The following CSMD1 variants were observed in gnomAD, a reference collection of about 807,000 sequenced individuals.
CSMD1 encodes the protein CUB and Sushi multiple domains 1.
A neutral mutation model predicts 417.5 loss-of-function variants in CSMD1; 213 were observed. The observed-to-expected ratio is 0.51, with a 90% CI of 0.46 to 0.57. The LOEUF is 0.57. Among genes scored for constraint, CSMD1 ranks in the 20% least tolerant of loss-of-function variants. The probability of loss-of-function intolerance (pLI) is 0.00; values close to 1 mark genes in which losing one functional copy is unlikely to be tolerated. For missense variants in CSMD1, 6,923 were observed against 4,529.7 expected, an observed-to-expected ratio of 1.53 and a Z score of -15.17; for synonymous variants, 2,862 against 1,736.8, an observed-to-expected ratio of 1.65 and a Z score of -16.11.
intron 1 of CSMD1, among the ~76,000 whole-genome samples, chr8:4,720,013 G>A (rs1285641392): frequency 2.6e-5 from 4 of 152,046 alleles, no homozygotes; most frequent in Admixed American, 2.0e-4. Flanking sequence ...AAGTTTAAGT[G>A]CTTACTTACA....
chr8:4,674,505 C>T (rs562878761), intron 1 of CSMD1, among the ~76,000 whole-genome samples: 11 of 152,180 alleles, frequency 7.2e-5, no homozygotes, highest in East Asian at 1.9e-4. Context: ...GGGAACAGTA[C>T]GTACTCAGTA....
chr8:4,971,193 G>T (rs973310840), intron 1 of CSMD1, among the ~76,000 whole-genome samples: 1 of 151,916 alleles, frequency 6.6e-6, no homozygotes, highest in African/African-American at 2.4e-5. Flanking sequence ...CAAAGCATAT[G>T]CTGACATAAT....
At chr8:3,745,296 C>T (rs1048731115) in intron 6 of CSMD1, among the ~76,000 whole-genome samples, 1 of 152,182 alleles carries the variant, frequency 6.6e-6, no homozygotes. Context: ...CAGGAAAGAA[C>T]ATGATGGTCA....
At chr8:4,922,628 C>T (rs1166564576) in intron 1 of CSMD1, among the ~76,000 whole-genome samples, 1 of 152,110 alleles carries the variant, frequency 6.6e-6, no homozygotes, top group African/African-American at 2.4e-5. Context: ...TAACAAGAAA[C>T]AACACATCTT....
chr8:3,359,071 G>A (rs1487771147), intron 21 of CSMD1, 81 bp downstream of exon 21: 26 of 1,385,266 alleles, frequency 1.9e-5, no homozygotes, highest in Middle Eastern at 4.6e-4. Flanking sequence ...ACCCCCACCC[G>A]ACCCCGACCA....
At chr8:4,673,144 G>A (rs760279154) in intron 1 of CSMD1, among the ~76,000 whole-genome samples, 1 of 151,954 alleles carries the variant, frequency 6.6e-6, no homozygotes, top group Non-Finnish European at 1.5e-5. Flanking sequence ...AGGACATTGA[G>A]GGGAAAAAGG....
chr8:3,239,196 C>G (rs932721924), intron 26 of CSMD1, among the ~76,000 whole-genome samples: 2 of 152,050 alleles, frequency 1.3e-5, no homozygotes, highest in African/African-American at 2.4e-5. Context: ...TTTACCTTTC[C>G]TAAATACTGA....
At chr8:4,527,987 G>C (rs1796608284) in intron 2 of CSMD1, among the ~76,000 whole-genome samples, 1 of 152,162 alleles carries the variant, frequency 6.6e-6, no homozygotes, top group African/African-American at 2.4e-5. Context: ...AGAATCCATG[G>C]CTCTCACTCA....
rs746936196 is a variant in CSMD1 at position 3,029,353 on chromosome 8, C to T, written c.7821G>A (p.Thr2607=). The T allele has an allele frequency of 2.4e-5, 39 of 1,610,700 alleles. No individual in the cohort carries two copies. The highest frequency in any genetic ancestry group is 1.2e-4 in the Admixed American group (7 of 59,506). The part of the protein sequence containing the change: ...WRLLRCQANG[T]WNIGDERPSC... Reference sequence around the variant, plus strand: ...TTGGCCTCTCATCTCCTATGTTCCACGTCCCATTGGCCTGGCACCGCAGGA... The same window carrying T: ...TTGGCCTCTCATCTCCTATGTTCCATGTCCCATTGGCCTGGCACCGCAGGA... Residue 2607 remains threonine, a synonymous_variant, in exon 51 of 70, where the codon ACG becomes ACA. Transcript: ENST00000635120.
intron 2 of CSMD1, among the ~76,000 whole-genome samples, chr8:4,443,161 AT>A (rs1425478271): frequency 2.6e-5 from 4 of 152,206 alleles, no homozygotes; most frequent in Non-Finnish European, 5.9e-5. Flanking sequence ...CTCCTTTTAA[AT>A]GGTAGAATTC....
At position 3,399,406 on chromosome 8, in the gene CSMD1, T is replaced by C; in HGVS notation, c.2390A>G (p.Lys797Arg). ...IIEAKPGHSI[K>R]ITFDRFQTEV... The stretch of plus-strand genomic sequence containing the variant: ...TTTTTCTTACCTGTCAAAAGTTATT[T>C]TGATAGAGTGGCCTGGTTTTGCTTC... The change falls in exon 16 of 70, where the codon AAA (lysine) becomes AGA (arginine). Residue 797 changes from lysine to arginine, a missense_variant. Physicochemically the swap from Lys to Arg is conservative, Grantham distance 26. Transcript: ENST00000635120. 1.2e-6 allele frequency: 2 copies of C among 1,604,202 alleles called. No individual in the cohort carries two copies. The highest frequency in any genetic ancestry group is 1.7e-6 in the Non-Finnish European group (2 of 1,175,884).
chr8:4,637,091 G>A lies in CSMD1; in HGVS notation c.302+251C>T, dbSNP rs149870863. 3.7e-3 allele frequency among the ~76,000 whole-genome samples: 558 copies of A among 152,202 alleles called. 4 individuals are homozygous for A. The highest frequency in any genetic ancestry group is 0.017 in the Middle Eastern group (5 of 294). On this transcript the variant is annotated intron_variant, in intron 2 of 69. Transcript: ENST00000635120. ...GCCCAACGGGTTGGTCTCCCTTGCT[G>A]TGCTGTGGAAACTTTATTCGCTCTT...
intron 2 of CSMD1, among the ~76,000 whole-genome samples, chr8:4,628,648 G>T (rs1021546774): frequency 2.6e-5 from 4 of 151,544 alleles, no homozygotes; most frequent in African/African-American, 9.7e-5. Flanking sequence ...CCCTGCCAGG[G>T]ACACTAAAAT....
intron 10 of CSMD1, among the ~76,000 whole-genome samples, chr8:3,563,395 T>C (rs1254872737): frequency 1.3e-5 from 1 of 76,364 alleles, no homozygotes; most frequent in Non-Finnish European, 2.7e-5. Flanking sequence ...ATGAGAAAAA[T>C]TGTAAAAAAA....
At chr8:4,304,160 G>A (rs970684405) in intron 3 of CSMD1, among the ~76,000 whole-genome samples, 21 of 152,050 alleles carry the variant, frequency 1.4e-4, no homozygotes, top group African/African-American at 4.8e-4. Context: ...CAATTAGAAG[G>A]ACATAAACCA....
intron 2 of CSMD1, among the ~76,000 whole-genome samples, chr8:4,438,089 C>T (rs762397003): frequency 1.3e-5 from 2 of 152,260 alleles, no homozygotes; most frequent in South Asian, 4.1e-4. Context: ...TCTTTGGTTT[C>T]CAAGTTCCTG....
chr8:4,731,049 G>C (rs780589498), intron 1 of CSMD1, among the ~76,000 whole-genome samples: 11 of 152,154 alleles, frequency 7.2e-5, no homozygotes, highest in African/African-American at 1.2e-4. Context: ...AGAGTATGGA[G>C]GGTCTGTGGG....
At chr8:4,969,855 C>A (rs773829789) in intron 1 of CSMD1, among the ~76,000 whole-genome samples, 2 of 151,698 alleles carry the variant, frequency 1.3e-5, no homozygotes, top group Non-Finnish European at 2.9e-5. Flanking sequence ...TTTACTTAAA[C>A]AAGTAGGATA....
chr8:4,310,057 G>A (rs148597665), intron 3 of CSMD1, among the ~76,000 whole-genome samples: 7 of 152,284 alleles, frequency 4.6e-5, no homozygotes, highest in Non-Finnish European at 8.8e-5. Flanking sequence ...ATGGAAAGAT[G>A]AAGTATCAGG....
Sources: allele counts gnomAD v4.1 joint callset (sites outside exome capture counted in the v4.1 genomes callset), GRCh38; gene constraint gnomAD v4.1.1; transcripts MANE v1.5; gene names NCBI Gene and HGNC (gene_info 2026-07-23, HGNC 2026-07-21).